Variants in ITGA9 observed in about 807,000 individuals in gnomAD.
ITGA9 encodes integrin alpha-9.
ITGA9 carries 56 observed loss-of-function variants against 127.8 expected under a neutral mutation model. The ratio of observed to expected loss-of-function variants is 0.44; its 90% CI spans 0.35 to 0.55. The LOEUF (loss-of-function observed/expected upper bound fraction) is 0.55, where lower values mean the gene tolerates loss of function less well. Ranked by LOEUF, ITGA9 falls within the 20% of genes least tolerant of loss-of-function variation. The pLI, the probability that ITGA9 is intolerant of heterozygous loss-of-function variation, is 0.00. For missense variants in ITGA9, 1,196 were observed against 1,347.1 expected (o/e 0.89, Z 1.76); for synonymous variants, 508 against 514.5 (o/e 0.99, Z 0.17).
intron 16 of ITGA9, among the ~76,000 whole-genome samples, chr3:37,635,464 A>G (rs1700268252): frequency 6.6e-6 from 1 of 152,212 alleles, no homozygotes; most frequent in Non-Finnish European, 1.5e-5. Flanking sequence ...GTTGGCTTAA[A>G]ATTGCAGAGG....
At chr3:37,605,092 G>A (rs1453746649) in intron 15 of ITGA9, among the ~76,000 whole-genome samples, 1 of 152,180 alleles carries the variant, frequency 6.6e-6, no homozygotes, top group African/African-American at 2.4e-5. Flanking sequence ...AATAGCCAGG[G>A]TGACATGTTT....
chr3:37,700,397 A>G (rs922756237), intron 18 of ITGA9, among the ~76,000 whole-genome samples: 1 of 152,148 alleles, frequency 6.6e-6, no homozygotes, highest in Non-Finnish European at 1.5e-5. Context: ...TCTGTTGCCC[A>G]GGATAGAGTG....
At chr3:37,504,887 A>T (rs1485574632) in intron 6 of ITGA9, among the ~76,000 whole-genome samples, 1 of 152,186 alleles carries the variant, frequency 6.6e-6, no homozygotes, top group Non-Finnish European at 1.5e-5. Flanking sequence ...TTAGAGGGTG[A>T]TGACAAGTTT....
rs755942430 is a variant in ITGA9, at chr3:37,777,417, C to T, written c.2567C>T (p.Ser856Phe). The change falls in exon 24 of 28, where the codon TCT becomes TTT. Residue 856 changes from serine (S) to phenylalanine (F), a missense_variant. Coordinates refer to ENST00000264741, the MANE Select transcript of ITGA9 (RefSeq NM_002207.3). The stretch of plus-strand genomic sequence containing the variant: ...GTGGGCCAAGAGAAGGGAAACTGCT[C>T]TTTCCAGAAAAACCCAACTCCCTGC... ...MVVGQEKGNC[S>F]FQKNPTPCII... 11 of 1,614,128 alleles carry T rather than the reference C, an allele frequency of 6.8e-6. No individual in the cohort carries two copies. The East Asian group carries it at 2.5e-4, about 36-fold the overall frequency.
At chr3:37,810,042 C>G (rs1575248770) in intron 27 of ITGA9, among the ~76,000 whole-genome samples, 1 of 152,320 alleles carries the variant, frequency 6.6e-6, no homozygotes. Flanking sequence ...TCACTGAGGG[C>G]CTTTGAAGAC....
At position 37,806,306 on chromosome 3, in the gene ITGA9, CGT is replaced by C. The variant is rs59945410; in HGVS notation, c.3009+2377_3009+2378del. Reference sequence around the variant, plus strand: ...GTGGGTGTGTGTGTGTGTGCGTGCGCGTGTGTGTGTGTGTATGTGACTTCCTT... The same window carrying C: ...GTGGGTGTGTGTGTGTGTGCGTGCGCGTGTGTGTGTGTATGTGACTTCCTT... On this transcript the variant is annotated intron_variant, in intron 27 of 27. Coordinates refer to ENST00000264741, the MANE Select transcript of ITGA9 (RefSeq NM_002207.3). The surrounding 1 kb of genome is among the most constrained non-coding windows in gnomAD (Gnocchi z 4.3). The C allele has an allele frequency of 0.11, 17,107 of 149,454 alleles. 1,604 individuals carry two copies. Among genetic ancestry groups the C allele is most frequent in the African/African-American group, 0.27 (10,647 of 39,654 alleles). 9.3% of individuals were successfully genotyped at this position (149,454 alleles called of 1,614,324 possible). A position where few individuals can be genotyped will look rare whatever the true frequency, so the allele number is the denominator to read the frequency against.
At chr3:37,523,089 AG>A (rs1699060487) in intron 11 of ITGA9, among the ~76,000 whole-genome samples, 1 of 152,166 alleles carries the variant, frequency 6.6e-6, no homozygotes, top group Non-Finnish European at 1.5e-5. Flanking sequence ...GCCTCTTAGG[AG>A]CAGAGTGTTA....
At chr3:37,513,650 T>C in intron 8 of ITGA9, 113 bp from the exon 9 acceptor site, 3 of 1,151,358 alleles carry the variant, frequency 2.6e-6, no homozygotes, top group Non-Finnish European at 3.7e-6. Context: ...TGTGTTCTCA[T>C]TGTTCAATTC....
At chr3:37,646,449 G>T (rs887504883) in intron 16 of ITGA9, among the ~76,000 whole-genome samples, 1 of 152,240 alleles carries the variant, frequency 6.6e-6, no homozygotes, top group Non-Finnish European at 1.5e-5. Flanking sequence ...AGGTGAGGAA[G>T]GAGCCAGCAG....
chr3:37,588,752 C>T (rs777430459), intron 15 of ITGA9, among the ~76,000 whole-genome samples: 13 of 152,178 alleles, frequency 8.5e-5, no homozygotes, highest in Admixed American at 5.2e-4. Context: ...AAAGGGACTT[C>T]GGCGGAAGCC....
chr3:37,572,479 C>T (rs1351730082), intron 15 of ITGA9, among the ~76,000 whole-genome samples: 1 of 152,140 alleles, frequency 6.6e-6, no homozygotes, highest in Admixed American at 6.5e-5. Context: ...TGTGACCTCC[C>T]TGCACTTCAA....
At chr3:37,496,935 C>T (rs987201034) in intron 5 of ITGA9, among the ~76,000 whole-genome samples, 3 of 152,194 alleles carry the variant, frequency 2.0e-5, no homozygotes, top group African/African-American at 7.2e-5. Context: ...TGGCAAATTG[C>T]ACTTCAGACA....
At chr3:37,574,647 A>C (rs989286698) in intron 15 of ITGA9, among the ~76,000 whole-genome samples, 2 of 152,200 alleles carry the variant, frequency 1.3e-5, no homozygotes, top group African/African-American at 2.4e-5. Context: ...TTGATTTCTT[A>C]TTGAGCCTTT....
chr3:37,510,515 A>C (rs1447771179), intron 8 of ITGA9, among the ~76,000 whole-genome samples: 1 of 152,132 alleles, frequency 6.6e-6, no homozygotes, highest in African/African-American at 2.4e-5. Flanking sequence ...ATGAGAACCT[A>C]TGCTCAAGTT....
intron 17 of ITGA9, among the ~76,000 whole-genome samples, chr3:37,667,647 T>G (rs190542355): frequency 6.7e-4 from 102 of 152,346 alleles, no homozygotes; most frequent in Non-Finnish European, 1.0e-3. Context: ...TCTTACAAAG[T>G]AACTCAGGCA....
intron 17 of ITGA9, among the ~76,000 whole-genome samples, chr3:37,680,261 A>C (rs1435506777): frequency 6.6e-6 from 1 of 152,202 alleles, no homozygotes; most frequent in Non-Finnish European, 1.5e-5. Flanking sequence ...CTGGCACATC[A>C]CATTTTCATT....
intron 18 of ITGA9, among the ~76,000 whole-genome samples, chr3:37,685,693 C>A (rs891719480): frequency 1.3e-5 from 2 of 152,116 alleles, no homozygotes; most frequent in African/African-American, 4.8e-5. Context: ...AGGACCCATG[C>A]GAGAAATTTC....
intron 18 of ITGA9, among the ~76,000 whole-genome samples, chr3:37,726,204 TG>T (rs1330251602): frequency 2.0e-5 from 3 of 152,220 alleles, no homozygotes; most frequent in African/African-American, 7.2e-5. Context: ...TGAGTTAACG[TG>T]GAAGCCGCTT....
At chr3:37,588,957 C>T (rs1214085172) in intron 15 of ITGA9, among the ~76,000 whole-genome samples, 1 of 152,206 alleles carries the variant, frequency 6.6e-6, no homozygotes, top group Non-Finnish European at 1.5e-5. Flanking sequence ...GTTACGTACA[C>T]AGGCTCTGCT....
Sources: allele counts gnomAD v4.1 joint callset (sites outside exome capture counted in the v4.1 genomes callset), GRCh38; gene constraint gnomAD v4.1.1; non-coding constraint Gnocchi (gnomAD v3.1); transcripts MANE v1.5; gene names NCBI Gene and HGNC (gene_info 2026-07-23, HGNC 2026-07-21).